ASTN2: variants seen among roughly 807,000 people sequenced by gnomAD.
ASTN2 encodes the protein astrotactin-2.
A neutral mutation model predicts 139.8 loss-of-function variants in ASTN2; 54 were observed. The ratio of observed to expected loss-of-function variants is 0.39; its 90% confidence interval spans 0.31 to 0.48. The LOEUF is 0.48. Among genes scored for constraint, ASTN2 ranks in the 20% least tolerant of loss-of-function variants. The pLI is 0.95. For synonymous variants in ASTN2, 756 were observed against 719.5 expected, an observed-to-expected ratio of 1.05 and a Z score of -0.81; for missense variants, 1,565 against 1,725.1, an observed-to-expected ratio of 0.91 and a Z score of 1.64.
chr9:117,350,480 G>T (rs575730089), intron 1 of ASTN2, among the ~76,000 whole-genome samples: 3 of 152,016 alleles, frequency 2.0e-5, no homozygotes, highest in Non-Finnish European at 2.9e-5. Context: ...AAGCTGATAG[G>T]GGGGTGGTGG....
Position 116,698,947 on chromosome 9 carries a change from G to T in ASTN2, c.2806+26824C>A. 6.2e-7 allele frequency: 1 copy of T among 1,614,180 alleles called. No homozygotes were observed. The highest frequency in any genetic ancestry group is 8.5e-7 in the Non-Finnish European group (1 of 1,180,044). ...CGTATACAAGTCTTTACCCGCAAAGGCTTTTTGAAGGAAATCCGCCGCAGC... is the reference window on the plus strand; with the variant it reads ...CGTATACAAGTCTTTACCCGCAAAGTCTTTTTGAAGGAAATCCGCCGCAGC... On this transcript the variant is annotated intron_variant, in intron 16 of 22. Coordinates refer to ENST00000313400, the MANE Select transcript of ASTN2 (RefSeq NM_001365068.1). This position sits in a 1 kb window ranked among gnomAD's most constrained non-coding sequence, Gnocchi z 4.4.
chr9:116,521,803 G>T (rs912847682), intron 19 of ASTN2, among the ~76,000 whole-genome samples: 1 of 85,082 alleles, frequency 1.2e-5, no homozygotes, highest in African/African-American at 4.7e-5. Context: ...AGACTAATCA[G>T]CAAGAAAAAC....
intron 4 of ASTN2, among the ~76,000 whole-genome samples, chr9:117,115,717 T>A (rs1829367484): frequency 6.6e-6 from 1 of 151,734 alleles, no homozygotes; most frequent in Non-Finnish European, 1.5e-5. Flanking sequence ...AGGCTAGGGG[T>A]ATAACTGTCA....
At chr9:117,178,697 C>G (rs978004813) in intron 3 of ASTN2, among the ~76,000 whole-genome samples, 8 of 152,202 alleles carry the variant, frequency 5.3e-5, no homozygotes, top group Admixed American at 2.6e-4. Context: ...CCTCACCACT[C>G]AGATCCAATT....
chr9:116,635,213 G>A (rs1033972348), intron 17 of ASTN2, among the ~76,000 whole-genome samples: 1 of 152,066 alleles, frequency 6.6e-6, no homozygotes, highest in South Asian at 2.1e-4. Flanking sequence ...AACATTCAGA[G>A]CCACCCTATA....
chr9:116,602,076 CA>C (rs984215330), intron 19 of ASTN2, among the ~76,000 whole-genome samples: 27 of 152,326 alleles, frequency 1.8e-4, no homozygotes, highest in African/African-American at 5.5e-4. Flanking sequence ...GCAAATGTTT[CA>C]GACCCTGTAG....
intron 3 of ASTN2, among the ~76,000 whole-genome samples, chr9:117,164,664 C>T (rs1011104065): frequency 2.0e-5 from 3 of 152,126 alleles, no homozygotes; most frequent in East Asian, 3.9e-4. Context: ...GCTGAAGCAG[C>T]GAAGGTTCCT....
chr9:117,144,848 A>G (rs992263486), intron 3 of ASTN2, among the ~76,000 whole-genome samples: 1 of 151,382 alleles, frequency 6.6e-6, no homozygotes, highest in Non-Finnish European at 1.5e-5. Flanking sequence ...TGCCTATACT[A>G]TATATAGGAT....
At chr9:116,932,277 T>C (rs539597525) in intron 10 of ASTN2, among the ~76,000 whole-genome samples, 1 of 152,132 alleles carries the variant, frequency 6.6e-6, no homozygotes, top group South Asian at 2.1e-4. Flanking sequence ...CATCTAACAA[T>C]GGAGACAGAC....
In ASTN2 at chr9:116,429,360, A is replaced by AAAAAG. The variant is rs57088669; in HGVS notation, c.3783-3273_3783-3272insCTTTT. 5.6e-3 allele frequency among the ~76,000 whole-genome samples: 832 copies of AAAAAG among 148,722 alleles called. 11 individuals are homozygous for AAAAAG. The highest frequency in any genetic ancestry group is 0.01 in the Admixed American group (155 of 14,794). ...ATCTGAAAAAAAAAAAAAAAAAAAA[A>AAAAAG]GTAACCAAGTGGAGTGCACACTCAG... On this transcript the variant is annotated intron_variant, in intron 22 of 22. Transcript: ENST00000313400.
rs114307417 is a variant in ASTN2, at chr9:117,115,747, C to T, written c.1169-19596G>A. On this transcript the variant is annotated intron_variant, in intron 4 of 22. Transcript: ENST00000313400. ...CTGTCAATAAGAGACAATTGCTGGC[C>T]GGGCGCGGTGGCTCACACCTGTAAT... Among the ~76,000 whole-genome samples, 1,265 of 150,782 alleles carry T rather than the reference C, an allele frequency of 8.4e-3. 18 individuals carry two copies. Among genetic ancestry groups the T allele is most frequent in the African/African-American group, 0.029 (1,206 of 41,074 alleles).
intron 11 of ASTN2, among the ~76,000 whole-genome samples, chr9:116,848,828 A>G (rs993533871): frequency 2.2e-4 from 33 of 152,080 alleles, no homozygotes; most frequent in Non-Finnish European, 1.3e-4. Context: ...ATTCAGTTCA[A>G]TTTTGACACT....
intron 12 of ASTN2, among the ~76,000 whole-genome samples, chr9:116,816,896 A>AAAATAAATAAATAAATAAATAAAT (rs10525804): frequency 0.1 from 15,000 of 147,940 alleles, 844 homozygotes; most frequent in East Asian, 0.17. Context: ...GGTAGAAATG[A>AAAATAAATAAATAAATAAATAAAT]AAATAAATAA....
At chr9:117,091,270 ATCAT>A (rs941794678) in intron 5 of ASTN2, among the ~76,000 whole-genome samples, 1 of 152,176 alleles carries the variant, frequency 6.6e-6, no homozygotes, top group Non-Finnish European at 1.5e-5. Context: ...ACATTCACTC[ATCAT>A]TCATTCATTC....
chr9:116,924,839 C>G (rs1588415665), intron 10 of ASTN2, among the ~76,000 whole-genome samples: 1 of 152,118 alleles, frequency 6.6e-6, no homozygotes, highest in East Asian at 1.9e-4. Flanking sequence ...TTGTGCTGAC[C>G]TCCTATCTCA....
At chr9:117,021,795 A>T (rs147332170) in intron 6 of ASTN2, among the ~76,000 whole-genome samples, 2 of 152,164 alleles carry the variant, frequency 1.3e-5, no homozygotes, top group Non-Finnish European at 2.9e-5. Flanking sequence ...CTTGTTTCAG[A>T]TTACTCACTT....
chr9:117,016,143 A>G (rs1016256113), intron 6 of ASTN2, among the ~76,000 whole-genome samples: 1 of 152,044 alleles, frequency 6.6e-6, no homozygotes, highest in Admixed American at 6.6e-5. Flanking sequence ...TTGAGAATGT[A>G]TGTTATAATC....
At chr9:117,168,379 G>A (rs765427877) in intron 3 of ASTN2, among the ~76,000 whole-genome samples, 3 of 152,200 alleles carry the variant, frequency 2.0e-5, no homozygotes, top group South Asian at 2.1e-4. Context: ...GATGACCTAC[G>A]GTCACACACC....
At chr9:116,917,982 C>T (rs546914389) in intron 10 of ASTN2, among the ~76,000 whole-genome samples, 2 of 152,188 alleles carry the variant, frequency 1.3e-5, no homozygotes, top group East Asian at 3.9e-4. Context: ...CTGGTCTTTC[C>T]CATGCTATTC....
Sources: allele counts gnomAD v4.1 joint callset (sites outside exome capture counted in the v4.1 genomes callset), GRCh38; gene constraint gnomAD v4.1.1; non-coding constraint Gnocchi (gnomAD v3.1); transcripts MANE v1.5; gene names NCBI Gene and HGNC (gene_info 2026-07-23, HGNC 2026-07-21).